Variants in GRID2 observed in about 807,000 individuals in gnomAD.
GRID2 encodes glutamate ionotropic receptor delta type subunit 2, also known as glutamate receptor ionotropic, delta-2.
A neutral mutation model predicts 114.8 loss-of-function variants in GRID2; 33 were observed. The observed-to-expected ratio is 0.29, with a 90% CI of 0.22 to 0.38. GRID2 has a LOEUF of 0.38. Ranked by LOEUF, GRID2 falls within the 10% of genes least tolerant of loss-of-function variation. GRID2 has a pLI of 1.00. For missense variants in GRID2, 1,184 were observed against 1,257.7 expected (o/e 0.94, Z 0.89); for synonymous variants, 505 against 449.9 (o/e 1.12, Z -1.55).
intron 10 of GRID2, among the ~76,000 whole-genome samples, chr4:93,437,826 A>G (rs149297719): frequency 5.1e-4 from 78 of 152,172 alleles, no homozygotes; most frequent in African/African-American, 1.8e-3. Flanking sequence ...AGGCTTTCAA[A>G]CTACTCCCAT....
rs1297466901 is a variant in GRID2 at position 93,216,366 on chromosome 4, A to AG, written c.790-371dup. Among the ~76,000 whole-genome samples the AG allele has an allele frequency of 9.0e-3, 1,363 of 152,198 alleles. 20 individuals are homozygous for AG. Among genetic ancestry groups the AG allele is most frequent in the African/African-American group, 0.031 (1,295 of 41,554 alleles). ...TACCTTCCTAGATACTCAAAGTAAT[A>AG]GTATTAATTAATAATAAACTATAAT... On this transcript the variant is annotated intron_variant, in intron 5 of 15. Transcript: ENST00000282020.
At chr4:92,865,322 A>G (rs1744784539) in intron 2 of GRID2, among the ~76,000 whole-genome samples, 1 of 152,190 alleles carries the variant, frequency 6.6e-6, no homozygotes, top group African/African-American at 2.4e-5. Flanking sequence ...TAACAAATGG[A>G]TGTTTTGGAA....
At chr4:93,172,198 T>C (rs1355944555) in intron 4 of GRID2, among the ~76,000 whole-genome samples, 2 of 152,168 alleles carry the variant, frequency 1.3e-5, no homozygotes, top group Non-Finnish European at 2.9e-5. Context: ...TTAAGTTTTG[T>C]GGTAGTCAAA....
At chr4:92,390,027 CAG>C (rs1327148644) in intron 1 of GRID2, among the ~76,000 whole-genome samples, 2 of 152,122 alleles carry the variant, frequency 1.3e-5, no homozygotes, top group East Asian at 3.9e-4. Context: ...TCATGTTTAA[CAG>C]AGCCAATTTT....
chr4:92,326,748 G>A (rs142046712), intron 1 of GRID2, among the ~76,000 whole-genome samples: 1 of 152,052 alleles, frequency 6.6e-6, no homozygotes, highest in East Asian at 1.9e-4. Flanking sequence ...TTTTGCAGAG[G>A]AGATAAAGGA....
At chr4:92,780,505 A>G (rs917187545) in intron 2 of GRID2, among the ~76,000 whole-genome samples, 1 of 152,122 alleles carries the variant, frequency 6.6e-6, no homozygotes, top group African/African-American at 2.4e-5. Context: ...TTTTGGTACT[A>G]TAATGAGTAT....
intron 2 of GRID2, among the ~76,000 whole-genome samples, chr4:92,942,361 A>C (rs1165272045): frequency 6.6e-6 from 1 of 152,008 alleles, no homozygotes; most frequent in African/African-American, 2.4e-5. Flanking sequence ...GTTGGTTTAA[A>C]GTCTGTTTTA....
intron 8 of GRID2, among the ~76,000 whole-genome samples, chr4:93,240,091 TTCTTGGATATACA>T (rs1747308514): frequency 6.6e-6 from 1 of 151,656 alleles, no homozygotes; most frequent in Admixed American, 6.6e-5. Flanking sequence ...GTTACAAAAA[TTCTTGGATATACA>T]TCTTGGATAC....
chr4:93,760,979 G>A (rs754497921), intron 14 of GRID2, among the ~76,000 whole-genome samples: 2 of 151,930 alleles, frequency 1.3e-5, no homozygotes, highest in African/African-American at 2.4e-5. Context: ...TTGGAACATG[G>A]GCACTTCCAA....
intron 2 of GRID2, among the ~76,000 whole-genome samples, chr4:92,825,597 A>G (rs1433742796): frequency 2.0e-5 from 3 of 152,146 alleles, no homozygotes; most frequent in African/African-American, 7.2e-5. Flanking sequence ...GGCTAAAACC[A>G]GTCTTGGTCA....
At chr4:92,681,064 G>A (rs1354157397) in intron 2 of GRID2, among the ~76,000 whole-genome samples, 4 of 152,136 alleles carry the variant, frequency 2.6e-5, no homozygotes, top group African/African-American at 9.7e-5. Context: ...CAATCCAGGA[G>A]AGAATAGCAC....
At chr4:93,323,478 T>C (rs187252893) in intron 8 of GRID2, among the ~76,000 whole-genome samples, 3 of 152,252 alleles carry the variant, frequency 2.0e-5, no homozygotes, top group East Asian at 3.9e-4. Flanking sequence ...AGTCAGGTAG[T>C]GTGATGCCTC....
rs150814000 is a variant in GRID2 at position 92,689,734 on chromosome 4, G to A, written c.244+99448G>A. The stretch of plus-strand genomic sequence containing the variant: ...CCTGGTGCCAAAAATATTGGGGGTG[G>A]TTGTTCTATACAGATAACTTGCTGC... On this transcript the variant is annotated intron_variant, in intron 2 of 15. Transcript: ENST00000282020. 2.6e-5 allele frequency among the ~76,000 whole-genome samples: 4 copies of A among 152,292 alleles called. No homozygotes were observed. The South Asian group carries it at 6.2e-4, about 24-fold the overall frequency.
Position 93,324,204 on chromosome 4 carries a change from T to G in GRID2, c.1246-71403T>G, listed in dbSNP as rs193221666. 1.6e-4 allele frequency among the ~76,000 whole-genome samples: 24 copies of G among 152,288 alleles called. 1 individual carries two copies. Among genetic ancestry groups the G allele is most frequent in the Admixed American group, 8.5e-4 (13 of 15,288 alleles). ...TGGGTTTGTCATAAATAGCTCTTAT[T>G]ATTTTTATATACATCCCATCAATAA... On this transcript the variant is annotated intron_variant, in intron 8 of 15. Coordinates refer to ENST00000282020, the MANE Select transcript of GRID2 (RefSeq NM_001510.4).
chr4:92,507,307 C>T (rs560807092), intron 1 of GRID2, among the ~76,000 whole-genome samples: 2 of 151,936 alleles, frequency 1.3e-5, no homozygotes, highest in South Asian at 2.1e-4. Flanking sequence ...AGATGATACA[C>T]CACTTGGATG....
At chr4:93,618,521 A>G (rs1055662818) in intron 13 of GRID2, among the ~76,000 whole-genome samples, 10 of 152,198 alleles carry the variant, frequency 6.6e-5, no homozygotes, top group African/African-American at 9.6e-5. Context: ...GAAGCAGCTA[A>G]GGGCTCTCCA....
intron 14 of GRID2, among the ~76,000 whole-genome samples, chr4:93,749,334 G>A (rs1732115515): frequency 6.6e-6 from 1 of 152,194 alleles, no homozygotes; most frequent in South Asian, 2.1e-4. Flanking sequence ...ATAGGGAAAT[G>A]ATTGTTTACA....
intron 1 of GRID2, among the ~76,000 whole-genome samples, chr4:92,511,105 T>A (rs2149131623): frequency 6.6e-6 from 1 of 151,972 alleles, no homozygotes; most frequent in African/African-American, 2.4e-5. Context: ...TGGTTTAATT[T>A]GGCTCATTGT....
intron 2 of GRID2, among the ~76,000 whole-genome samples, chr4:93,032,453 AT>A (rs1365832243): frequency 1.3e-5 from 2 of 152,252 alleles, no homozygotes; most frequent in East Asian, 3.9e-4. Flanking sequence ...ATGATATTGA[AT>A]TTTTGCAGAG....
Sources: gnomAD v4.1 joint callset for allele counts (sites outside exome capture counted in the v4.1 genomes callset) on GRCh38, gnomAD v4.1.1 for gene constraint, MANE v1.5 for transcripts, NCBI Gene and HGNC (gene_info 2026-07-23, HGNC 2026-07-21) for gene names.